The following RARB variants were observed in gnomAD, a reference collection of about 807,000 sequenced individuals.
RARB encodes the protein retinoic acid receptor beta, also known as HBV-activated protein.
Under a neutral mutation model 51.9 loss-of-function variants are expected in RARB, and 17 were observed. That is an observed-to-expected ratio of 0.33 (90% confidence interval 0.22 to 0.49). The LOEUF (loss-of-function observed/expected upper bound fraction) is 0.49, where lower values mean the gene tolerates loss of function less well. RARB is among the 20% of genes least tolerant of loss of function. RARB has a pLI of 0.99. For missense variants in RARB, 369 were observed against 550.8 expected (o/e 0.67, Z 3.30); for synonymous variants, 215 against 195.4 (o/e 1.10, Z -0.84).
In RARB at chr3:25,225,954, A is replaced by T. The variant is rs192856405; in HGVS notation, c.178+51379A>T. Among the ~76,000 whole-genome samples the T allele has an allele frequency of 1.5e-3, 230 of 152,290 alleles. 1 individual carries two copies. The highest frequency in any genetic ancestry group is 5.4e-3 in the African/African-American group (224 of 41,570). On this transcript the variant is annotated intron_variant, in intron 5 of 11. Transcript: ENST00000383772. ...TCTTCCAAATAAGGATGCATTTATTATCCCTAAAATCAGAAAATAGATATA... is the reference window on the plus strand; with the variant it reads ...TCTTCCAAATAAGGATGCATTTATTTTCCCTAAAATCAGAAAATAGATATA...
At chr3:25,335,923 C>T (rs907771951) in intron 5 of RARB, among the ~76,000 whole-genome samples, 2 of 152,112 alleles carry the variant, frequency 1.3e-5, no homozygotes, top group Non-Finnish European at 2.9e-5. Context: ...TTCAAAGTCT[C>T]ATTAATAAAT....
chr3:25,193,105 C>T (rs1334855012), intron 5 of RARB, among the ~76,000 whole-genome samples: 3 of 152,094 alleles, frequency 2.0e-5, no homozygotes, highest in African/African-American at 7.2e-5. Context: ...TAATTGCTAA[C>T]ATTCCAAGCA....
intron 5 of RARB, among the ~76,000 whole-genome samples, chr3:25,289,030 A>G (rs559138822): frequency 2.6e-5 from 4 of 152,330 alleles, no homozygotes; most frequent in Middle Eastern, 3.4e-3. Flanking sequence ...CTGTTCCGCC[A>G]CTGAGGCAAC....
At chr3:24,954,226 T>G (rs554538814) in intron 2 of RARB, among the ~76,000 whole-genome samples, 1 of 152,172 alleles carries the variant, frequency 6.6e-6, no homozygotes, top group South Asian at 2.1e-4. Context: ...CAAATACATA[T>G]ACATGTTTTA....
chr3:25,159,420 C>CT (rs1553638588), intron 4 of RARB, among the ~76,000 whole-genome samples: 1 of 150,398 alleles, frequency 6.6e-6, no homozygotes, highest in African/African-American at 2.5e-5. Flanking sequence ...CCACCCCCCC[C>CT]GCTCCCCCTC....
intron 1 of RARB, among the ~76,000 whole-genome samples, chr3:24,857,024 G>T (rs1013952332): frequency 6.6e-6 from 1 of 152,120 alleles, no homozygotes; most frequent in African/African-American, 2.4e-5. Flanking sequence ...GATAGTTCAC[G>T]TTGTGGTCCA....
At chr3:25,095,431 A>AG (rs1559464469) in intron 3 of RARB, among the ~76,000 whole-genome samples, 1 of 152,184 alleles carries the variant, frequency 6.6e-6, no homozygotes, top group Non-Finnish European at 1.5e-5. Context: ...GATACTCTGG[A>AG]GGGTGAAGCC....
intron 2 of RARB, among the ~76,000 whole-genome samples, chr3:24,904,706 T>C (rs1026123072): frequency 2.6e-5 from 4 of 152,176 alleles, no homozygotes; most frequent in Non-Finnish European, 5.9e-5. Context: ...TGAAGACACA[T>C]GCACACGTAT....
intron 2 of RARB, among the ~76,000 whole-genome samples, chr3:25,018,741 C>T (rs1335621539): frequency 6.6e-6 from 1 of 152,176 alleles, no homozygotes; most frequent in Non-Finnish European, 1.5e-5. Flanking sequence ...GGGCAACTAT[C>T]CTTCTCAGGC....
intron 2 of RARB, among the ~76,000 whole-genome samples, chr3:25,473,666 C>G (rs1363811898): frequency 6.6e-6 from 1 of 152,112 alleles, no homozygotes; most frequent in Non-Finnish European, 1.5e-5. Context: ...GTGTCTGCTT[C>G]CTTTTCACTG....
intron 5 of RARB, among the ~76,000 whole-genome samples, chr3:25,321,000 T>C (rs1232733824): frequency 1.3e-5 from 2 of 152,228 alleles, no homozygotes; most frequent in African/African-American, 4.8e-5. Context: ...CTTTGAATTA[T>C]AGGCCTATAA....
chr3:24,967,925 A>C (rs979782426), intron 2 of RARB, among the ~76,000 whole-genome samples: 15 of 152,210 alleles, frequency 9.9e-5, no homozygotes, highest in African/African-American at 3.6e-4. Context: ...GGGGGAATTA[A>C]GCAGTAGCAA....
chr3:24,840,646 T>G (rs1054905606), intron 1 of RARB, among the ~76,000 whole-genome samples: 1 of 150,468 alleles, frequency 6.6e-6, no homozygotes, highest in African/African-American at 2.5e-5. Flanking sequence ...CCTGAAACAA[T>G]GTATGTAAAT....
intron 5 of RARB, among the ~76,000 whole-genome samples, chr3:25,184,273 G>A (rs1700925414): frequency 6.6e-6 from 1 of 152,014 alleles, no homozygotes; most frequent in African/African-American, 2.4e-5. Context: ...CTTTGCAAAT[G>A]TTCAGACAAA....
intron 3 of RARB, among the ~76,000 whole-genome samples, chr3:25,119,341 C>A (rs1225615265): frequency 6.6e-6 from 1 of 152,036 alleles, no homozygotes; most frequent in Non-Finnish European, 1.5e-5. Context: ...AACCCTTGTT[C>A]CTCCATTTGA....
At chr3:24,940,573 T>G (rs1695643238) in intron 2 of RARB, among the ~76,000 whole-genome samples, 1 of 152,206 alleles carries the variant, frequency 6.6e-6, no homozygotes, top group Non-Finnish European at 1.5e-5. Flanking sequence ...TGTTTTTTCC[T>G]TGTCTTGCAT....
At chr3:25,417,984 T>C (rs755103146) in intron 5 of RARB, among the ~76,000 whole-genome samples, 54 of 152,192 alleles carry the variant, frequency 3.5e-4, no homozygotes, top group Non-Finnish European at 2.9e-4. Flanking sequence ...GTTGCTGTCC[T>C]CCTCTCTGGT....
intron 2 of RARB, among the ~76,000 whole-genome samples, chr3:24,974,391 T>C (rs1168662501): frequency 6.6e-6 from 1 of 152,116 alleles, no homozygotes; most frequent in Non-Finnish European, 1.5e-5. Context: ...TTTAGAAGTT[T>C]CGTTTTTGAA....
intron 4 of RARB, among the ~76,000 whole-genome samples, chr3:25,161,466 G>T (rs913317580): frequency 6.6e-6 from 1 of 152,086 alleles, no homozygotes; most frequent in Non-Finnish European, 1.5e-5. Context: ...GTCTACCATT[G>T]CTGGCTCTGT....
Sources: allele counts gnomAD v4.1 joint callset (sites outside exome capture counted in the v4.1 genomes callset), GRCh38; gene constraint gnomAD v4.1.1; transcripts MANE v1.5; gene names NCBI Gene and HGNC (gene_info 2026-07-23, HGNC 2026-07-21).